Variants in MYRIP observed in about 807,000 individuals in gnomAD.
MYRIP encodes the protein rab effector MyRIP.
MYRIP carries 49 observed loss-of-function variants against 98.0 expected under a neutral mutation model. The ratio of observed to expected loss-of-function variants is 0.50; its 90% CI spans 0.40 to 0.63. The LOEUF (loss-of-function observed/expected upper bound fraction) is 0.63, where lower values mean the gene tolerates loss of function less well. Among genes scored for constraint, MYRIP ranks in the 30% least tolerant of loss-of-function variants. The pLI is 0.00. For missense variants in MYRIP, 1,004 were observed against 1,058.2 expected, an observed-to-expected ratio of 0.95 and a Z score of 0.71; for synonymous variants, 404 against 409.5, an observed-to-expected ratio of 0.99 and a Z score of 0.16.
intron 1 of MYRIP, among the ~76,000 whole-genome samples, chr3:39,838,027 G>A (rs753832279): frequency 1.3e-5 from 2 of 152,160 alleles, no homozygotes; most frequent in African/African-American, 2.4e-5. Context: ...TACTATTGGT[G>A]TATAGGAACA....
chr3:40,247,610 G>A (rs757003568), intron 13 of MYRIP, among the ~76,000 whole-genome samples: 4 of 152,128 alleles, frequency 2.6e-5, no homozygotes, highest in African/African-American at 7.2e-5. Flanking sequence ...TGCAACCTCC[G>A]CCTCCTGGGT....
At chr3:40,147,288 C>T (rs1483335721) in intron 3 of MYRIP, among the ~76,000 whole-genome samples, 1 of 152,156 alleles carries the variant, frequency 6.6e-6, no homozygotes, top group Non-Finnish European at 1.5e-5. Flanking sequence ...TCTGTCTTGA[C>T]TGCATTCTGT....
At chr3:39,933,498 G>T (rs936976159) in intron 2 of MYRIP, among the ~76,000 whole-genome samples, 5 of 152,192 alleles carry the variant, frequency 3.3e-5, no homozygotes, top group Non-Finnish European at 7.3e-5. Context: ...ATATGGTTGT[G>T]TTCTGCATTT....
intron 13 of MYRIP, 22 bp downstream of exon 13, chr3:40,244,629 C>A: frequency 6.3e-7 from 1 of 1,598,382 alleles, no homozygotes. Flanking sequence ...CCTCTCTGCC[C>A]ACATGGGTCC....
intron 3 of MYRIP, among the ~76,000 whole-genome samples, chr3:40,132,355 T>C (rs1199621533): frequency 2.6e-5 from 4 of 152,202 alleles, no homozygotes; most frequent in African/African-American, 9.7e-5. Context: ...TTTCTTCCCC[T>C]TAACTGCAAA....
At chr3:39,967,828 T>C (rs966410282) in intron 2 of MYRIP, among the ~76,000 whole-genome samples, 4 of 152,226 alleles carry the variant, frequency 2.6e-5, no homozygotes, top group Admixed American at 6.5e-5. Context: ...ATTTCTCTAA[T>C]GATCAGTGAT....
chr3:39,892,001 T>C (rs1344236991), intron 1 of MYRIP, among the ~76,000 whole-genome samples: 4 of 152,090 alleles, frequency 2.6e-5, no homozygotes, highest in Non-Finnish European at 4.4e-5. Context: ...TATAGACAAA[T>C]ACATCTCTCT....
At chr3:40,029,773 G>C (rs1947216862) in intron 2 of MYRIP, among the ~76,000 whole-genome samples, 1 of 151,926 alleles carries the variant, frequency 6.6e-6, no homozygotes, top group African/African-American at 2.4e-5. Flanking sequence ...ATATAGAAAT[G>C]GGCCACCTGG....
chr3:39,902,664 G>C (rs148515045), intron 2 of MYRIP, among the ~76,000 whole-genome samples: 2 of 152,168 alleles, frequency 1.3e-5, no homozygotes, highest in African/African-American at 4.8e-5. Context: ...AAGACCATCT[G>C]TGTGTCATGC....
intron 2 of MYRIP, among the ~76,000 whole-genome samples, chr3:40,004,802 C>T (rs1214204624): frequency 1.3e-5 from 2 of 151,990 alleles, no homozygotes; most frequent in African/African-American, 4.8e-5. Flanking sequence ...GCTGTGAATG[C>T]CGTTTCCAAG....
At chr3:40,184,671 C>T (rs1950980127) in intron 9 of MYRIP, among the ~76,000 whole-genome samples, 1 of 152,162 alleles carries the variant, frequency 6.6e-6, no homozygotes, top group African/African-American at 2.4e-5. Flanking sequence ...AAAACAACTA[C>T]AAGATGCTCT....
chr3:39,914,363 A>G (rs1443897175), intron 2 of MYRIP, among the ~76,000 whole-genome samples: 1 of 152,128 alleles, frequency 6.6e-6, no homozygotes, highest in Non-Finnish European at 1.5e-5. Context: ...AGATCTTCTG[A>G]TCAATCCATT....
intron 1 of MYRIP, among the ~76,000 whole-genome samples, chr3:39,856,144 C>T (rs1348706954): frequency 1.3e-5 from 2 of 152,188 alleles, no homozygotes; most frequent in East Asian, 3.8e-4. Context: ...CAGATTTCCC[C>T]CTCTTACACT....
chr3:39,991,517 T>C (rs183808762), intron 2 of MYRIP, among the ~76,000 whole-genome samples: 2 of 152,340 alleles, frequency 1.3e-5, no homozygotes, highest in African/African-American at 4.8e-5. Context: ...CATTTCTAAT[T>C]ATTTTACTAC....
At position 39,946,943 on chromosome 3, in the gene MYRIP, C is replaced by T. The variant is rs1020494223; in HGVS notation, c.110+46017C>T. On this transcript the variant is annotated intron_variant, in intron 2 of 16. Transcript: ENST00000302541. ...GAAGGTTGGAGTGGTGCTATTAATG[C>T]CAAAAAAAGTTGGAATTCGCTAAAG... 3.3e-5 allele frequency among the ~76,000 whole-genome samples: 5 copies of T among 151,784 alleles called. No individual in the cohort carries two copies. In the East Asian group the frequency reaches 9.7e-4, roughly 29 times the overall value.
chr3:39,940,911 T>C (rs771433220), intron 2 of MYRIP, among the ~76,000 whole-genome samples: 3 of 152,194 alleles, frequency 2.0e-5, no homozygotes, highest in Admixed American at 2.0e-4. Flanking sequence ...CTGTAAAACA[T>C]TGGTAAGTTG....
intron 12 of MYRIP, chr3:40,242,595 T>C (rs1223741315): frequency 1.3e-5 from 2 of 152,168 alleles, no homozygotes; most frequent in East Asian, 3.8e-4. Context: ...CATTGAGTTT[T>C]GCGTGTTTCT....
chr3:39,993,960 G>A (rs1285278292), intron 2 of MYRIP, among the ~76,000 whole-genome samples: 2 of 152,176 alleles, frequency 1.3e-5, no homozygotes, highest in African/African-American at 2.4e-5. Flanking sequence ...TCATTTGCCT[G>A]CTAAATGGAT....
At chr3:40,254,286 C>A (rs980425861) in intron 16 of MYRIP, among the ~76,000 whole-genome samples, 3 of 152,110 alleles carry the variant, frequency 2.0e-5, no homozygotes, top group African/African-American at 4.8e-5. Context: ...GAGAAGTACA[C>A]AATTTTCATG....
Sources: allele counts gnomAD v4.1 joint callset (sites outside exome capture counted in the v4.1 genomes callset), GRCh38; gene constraint gnomAD v4.1.1; transcripts MANE v1.5; gene names NCBI Gene and HGNC (gene_info 2026-07-23, HGNC 2026-07-21).